Variants in RICTOR observed in about 807,000 individuals in gnomAD.
The protein encoded by RICTOR is rapamycin-insensitive companion of mTOR.
In RICTOR, 49 loss-of-function variants were observed where a neutral mutation model predicts 214.9. That is an observed-to-expected ratio of 0.23 (90% CI 0.18 to 0.29). RICTOR has a LOEUF of 0.29. Among genes scored for constraint, RICTOR ranks in the 10% least tolerant of loss-of-function variants. The pLI is 1.00. For missense variants in RICTOR, 1,625 were observed against 2,047.0 expected, an observed-to-expected ratio of 0.79 and a Z score of 3.98; for synonymous variants, 717 against 711.3, an observed-to-expected ratio of 1.01 and a Z score of -0.13.
intron 16 of RICTOR, among the ~76,000 whole-genome samples, chr5:38,964,123 A>T (rs1479864480): frequency 6.6e-6 from 1 of 151,216 alleles, no homozygotes; most frequent in Non-Finnish European, 1.5e-5. Context: ...GTTTTTGATC[A>T]TAATAACAAA....
chr5:38,974,223 T>C (rs929248391), intron 10 of RICTOR, among the ~76,000 whole-genome samples: 3 of 151,986 alleles, frequency 2.0e-5, no homozygotes, highest in Admixed American at 2.0e-4. Context: ...CTAATTTTTG[T>C]ATTTTTAGTA....
rs1754446480 is a variant in RICTOR at position 39,010,793 on chromosome 5, T to C, written c.196-7171A>G. ...GAAAAAATTTCTAAGCAGCAAAGCA[T>C]TCAAGAGGTGACTTGGGTGCTCTTT... On this transcript the variant is annotated intron_variant, in intron 3 of 37. Coordinates refer to ENST00000357387, the MANE Select transcript of RICTOR (RefSeq NM_152756.5). Among the ~76,000 whole-genome samples, 3 of 152,192 alleles carry C rather than the reference T, an allele frequency of 2.0e-5. No homozygotes were observed. In the South Asian group the frequency reaches 6.2e-4, roughly 32 times the overall value.
chr5:38,940,890 T>A lies in RICTOR; in HGVS notation c.*1414A>T, dbSNP rs528177561. 4.3e-6 allele frequency: 1 copy of A among 232,424 alleles called. No homozygotes were observed. Among genetic ancestry groups the A allele is most frequent in the Admixed American group, 5.6e-5 (1 of 17,770 alleles). The allele number at this position is 232,424 out of a possible 1,614,324, so 14.4% of individuals were successfully genotyped here. On this transcript the variant is annotated 3_prime_UTR_variant, in exon 38 of 38. Coordinates refer to ENST00000357387, the MANE Select transcript of RICTOR (RefSeq NM_152756.5). ...TCATGGGAAAATATTAATGTTGCTATGACTGTGTCAAAACTGATGTGTAAT... is the reference window on the plus strand; with the variant it reads ...TCATGGGAAAATATTAATGTTGCTAAGACTGTGTCAAAACTGATGTGTAAT...
At chr5:39,036,525 T>C (rs566782882) in intron 2 of RICTOR, among the ~76,000 whole-genome samples, 9 of 152,236 alleles carry the variant, frequency 5.9e-5, no homozygotes, top group South Asian at 2.1e-4. Context: ...GACTGGCAAA[T>C]TGGATAAAGT....
At chr5:38,979,500 T>G (rs942444959) in intron 8 of RICTOR, among the ~76,000 whole-genome samples, 2 of 152,228 alleles carry the variant, frequency 1.3e-5, no homozygotes, top group African/African-American at 4.8e-5. Flanking sequence ...TTAGGTCATT[T>G]TCCTTTTAAC....
At chr5:39,041,624 G>A (rs927268006) in intron 2 of RICTOR, among the ~76,000 whole-genome samples, 14 of 152,238 alleles carry the variant, frequency 9.2e-5, no homozygotes, top group Admixed American at 6.5e-4. Context: ...CAAGGATGAA[G>A]TCTAGATTTC....
intron 9 of RICTOR, among the ~76,000 whole-genome samples, chr5:38,977,776 G>A (rs1402167497): frequency 2.0e-5 from 3 of 151,574 alleles, no homozygotes; most frequent in Non-Finnish European, 2.9e-5. Context: ...TAGTAGAGAC[G>A]GGGTTTCACC....
intron 2 of RICTOR, among the ~76,000 whole-genome samples, chr5:39,048,743 T>C (rs981867808): frequency 3.4e-4 from 51 of 152,180 alleles, no homozygotes; most frequent in African/African-American, 1.2e-3. Flanking sequence ...ATCTGGGACC[T>C]GCAACAAAGC....
intron 22 of RICTOR, 78 bp downstream of exon 22, chr5:38,959,117 A>G: frequency 8.5e-7 from 1 of 1,182,658 alleles, no homozygotes; most frequent in South Asian, 1.9e-5. Context: ...TTAGAACTTA[A>G]TTTTACTTAG....
At chr5:39,019,608 GAAAA>G (rs1755240212) in intron 3 of RICTOR, among the ~76,000 whole-genome samples, 1 of 151,644 alleles carries the variant, frequency 6.6e-6, no homozygotes, top group Non-Finnish European at 1.5e-5. Flanking sequence ...TATTGCTCAG[GAAAA>G]AAAAGGATTT....
At chr5:39,012,947 G>A (rs1235650002) in intron 3 of RICTOR, among the ~76,000 whole-genome samples, 1 of 152,024 alleles carries the variant, frequency 6.6e-6, no homozygotes, top group African/African-American at 2.4e-5. Flanking sequence ...AAGACTAGAA[G>A]TATTAAGGAT....
intron 2 of RICTOR, among the ~76,000 whole-genome samples, chr5:39,053,470 T>C (rs1391208927): frequency 1.3e-5 from 2 of 152,174 alleles, no homozygotes; most frequent in African/African-American, 4.8e-5. Context: ...CAAACCATGA[T>C]TTTACTTTAC....
intron 14 of RICTOR, 37 bp from the exon 15 acceptor site, chr5:38,966,758 T>C: frequency 9.0e-7 from 1 of 1,114,338 alleles, no homozygotes; most frequent in South Asian, 1.4e-5. Context: ...TGTTGCAAAA[T>C]AATACATATG....
chr5:38,949,869 C>T lies in RICTOR; in HGVS notation c.3979G>A (p.Ala1327Thr), dbSNP rs1269377925. ...CTTTTCAGTGTAGCATAGCCAAAAG[C>T]ATCTCTAGAACTTGTGTAACTAAAG... The part of the protein sequence containing the change: ...CNFSYTSSRD[A>T]FGYATLKRLQ... Residue 1327 changes from alanine to threonine, a missense_variant, in exon 31 of 38, where the codon GCT becomes ACT. Ala to Thr is a moderately conservative substitution (Grantham distance 58). Coordinates refer to ENST00000357387, the MANE Select transcript of RICTOR (RefSeq NM_152756.5). 1 of 1,613,402 alleles carries T rather than the reference C, an allele frequency of 6.2e-7. No individual in the cohort carries two copies. Among genetic ancestry groups the T allele is most frequent in the South Asian group, 1.1e-5 (1 of 91,068 alleles).
intron 3 of RICTOR, among the ~76,000 whole-genome samples, chr5:39,019,600 T>C (rs1755238733): frequency 6.6e-6 from 1 of 152,134 alleles, no homozygotes; most frequent in Non-Finnish European, 1.5e-5. Context: ...GTATTTGCTA[T>C]TGCTCAGGAA....
At chr5:38,959,441 A>G (rs1579917179) in intron 21 of RICTOR, 120 bp from the exon 22 acceptor site, 5 of 652,268 alleles carry the variant, frequency 7.7e-6, no homozygotes, top group East Asian at 5.6e-5. Context: ...TGTATTATTC[A>G]AAGTGTATAA....
chr5:39,025,964 T>A (rs970598286), intron 2 of RICTOR, among the ~76,000 whole-genome samples: 1 of 152,168 alleles, frequency 6.6e-6, no homozygotes, highest in Non-Finnish European at 1.5e-5. Context: ...GAGATTGACA[T>A]GATTTTTATA....
At chr5:38,962,607 T>C in intron 17 of RICTOR, 21 bp from the exon 18 acceptor site, 1 of 1,286,528 alleles carries the variant, frequency 7.8e-7, no homozygotes, top group Non-Finnish European at 1.1e-6. Context: ...CAGAAAGTAA[T>C]AAGAAAAATT....
intron 5 of RICTOR, 27 bp downstream of exon 5, chr5:39,002,508 A>C: frequency 6.5e-7 from 1 of 1,546,224 alleles, no homozygotes; most frequent in South Asian, 1.2e-5. Flanking sequence ...AATTTCAAAA[A>C]TATATAAACA....
Sources: gnomAD v4.1 joint callset for allele counts (sites outside exome capture counted in the v4.1 genomes callset) on GRCh38, gnomAD v4.1.1 for gene constraint, MANE v1.5 for transcripts, NCBI Gene and HGNC (gene_info 2026-07-23, HGNC 2026-07-21) for gene names.